The following MATN2 variants were observed in gnomAD, a reference collection of about 807,000 sequenced individuals.
MATN2 encodes matrilin-2.
MATN2 carries 69 observed loss-of-function variants against 103.2 expected under a neutral mutation model. The observed-to-expected ratio is 0.67, with a 90% CI of 0.55 to 0.82. The LOEUF is 0.82. Ranked by LOEUF, MATN2 falls within the 40% of genes least tolerant of loss-of-function variation. MATN2 has a pLI of 0.00. For synonymous variants in MATN2, 429 were observed against 450.2 expected (o/e 0.95, Z 0.60); for missense variants, 1,023 against 1,211.5 (o/e 0.84, Z 2.31).
rs377530523 is a variant in MATN2, at chr8:98,007,524, G to T, written c.1496G>T (p.Cys499Phe). ...AGTGACCATGGTTGTGAATACTCCT[G>T]TGTCAACATGGACAGATCCTTTGCC... ...LLSDHGCEYS[C>F]VNMDRSFACQ... The change falls in exon 10 of 19, where the codon TGT becomes TTT. Residue 499 changes from cysteine (C) to phenylalanine (F), a missense_variant. Coordinates refer to ENST00000254898, the MANE Select transcript of MATN2 (RefSeq NM_002380.5). This position sits in a 1 kb window ranked among gnomAD's most constrained non-coding sequence, Gnocchi z 4.2. 2.5e-5 allele frequency: 41 copies of T among 1,613,540 alleles called. No individual in the cohort carries two copies. Among genetic ancestry groups the T allele is most frequent in the Non-Finnish European group, 2.5e-5 (30 of 1,179,588 alleles).
chr8:97,962,208 C>T (rs79551785), intron 5 of MATN2, among the ~76,000 whole-genome samples: 4,503 of 152,262 alleles, frequency 0.03, 218 homozygotes, highest in African/African-American at 0.1. Flanking sequence ...GTAGGTGTTT[C>T]ATAAACTGAA....
chr8:97,938,234 G>C (rs1179015086), intron 3 of MATN2, among the ~76,000 whole-genome samples: 1 of 152,122 alleles, frequency 6.6e-6, no homozygotes, highest in Admixed American at 6.6e-5. Context: ...TCTGCCCGTG[G>C]GTAATTTGAC....
At chr8:97,928,093 G>C (rs1810051931) in intron 2 of MATN2, among the ~76,000 whole-genome samples, 1 of 152,138 alleles carries the variant, frequency 6.6e-6, no homozygotes, top group Admixed American at 6.5e-5. Flanking sequence ...GGGCCTGCCT[G>C]GGTCTTGGGA....
intron 2 of MATN2, among the ~76,000 whole-genome samples, chr8:97,926,260 A>AT (rs1165235142): frequency 6.6e-6 from 1 of 152,182 alleles, no homozygotes; most frequent in East Asian, 1.9e-4. Flanking sequence ...AAGGAAGATC[A>AT]TTGTATGTTC....
chr8:97,903,645 T>C (rs1224100648), intron 2 of MATN2, among the ~76,000 whole-genome samples: 1 of 152,148 alleles, frequency 6.6e-6, no homozygotes, highest in Non-Finnish European at 1.5e-5. Flanking sequence ...GATGCTGCTG[T>C]GTAGAGAGTC....
intron 10 of MATN2, among the ~76,000 whole-genome samples, chr8:98,014,602 A>G (rs928894979): frequency 6.6e-6 from 1 of 152,216 alleles, no homozygotes; most frequent in Non-Finnish European, 1.5e-5. Flanking sequence ...CTTGCTGTAG[A>G]ATATAGCAAT....
intron 12 of MATN2, 190 bp from the exon 13 acceptor site, chr8:98,021,015 G>T: frequency 2.0e-6 from 1 of 501,264 alleles, no homozygotes; most frequent in Non-Finnish European, 3.6e-6. Context: ...ACTCATGGGA[G>T]CTAGAGCTTT....
chr8:97,974,300 G>A (rs1249666351), intron 5 of MATN2, among the ~76,000 whole-genome samples: 1 of 151,700 alleles, frequency 6.6e-6, no homozygotes, highest in Non-Finnish European at 1.5e-5. Flanking sequence ...CATCATACCT[G>A]GCTAATTTTT....
At chr8:98,004,040 G>A in intron 8 of MATN2, 1 of 377,670 alleles carries the variant, frequency 2.6e-6, no homozygotes, top group South Asian at 2.3e-5. Context: ...TGTAATCCCA[G>A]CACAGGGAGG....
chr8:98,028,481 A>G (rs1813892608), intron 14 of MATN2, among the ~76,000 whole-genome samples: 1 of 152,172 alleles, frequency 6.6e-6, no homozygotes, highest in Non-Finnish European at 1.5e-5. Flanking sequence ...CCCTTGGCTA[A>G]AGGAAACCCA....
intron 4 of MATN2, among the ~76,000 whole-genome samples, chr8:97,952,596 G>C (rs1477560270): frequency 3.8e-5 from 2 of 52,564 alleles, no homozygotes; most frequent in Non-Finnish European, 1.1e-4. Flanking sequence ...GAGTCTCTGG[G>C]GAAACTGGTT....
rs1814104052 is a variant in MATN2 at position 98,033,151 on chromosome 8, G to A, written c.2691G>A (p.Lys897=). The part of the protein sequence containing the change: ...EEDNLLRSTQ[K]LSHSTKPSGS... ...ACAATCTTTTACGGTCTACACAAAA[G>A]CTTTCCCATTCAACAAAACCTTCAG... Residue 897 remains lysine, a synonymous_variant, in exon 17 of 19, where the codon AAG becomes AAA. Transcript: ENST00000254898. The A allele has an allele frequency of 4.4e-6, 7 of 1,607,034 alleles. No individual in the cohort carries two copies. The highest frequency in any genetic ancestry group is 5.9e-6 in the Non-Finnish European group (7 of 1,177,190).
chr8:97,890,357 C>T (rs190518913), intron 2 of MATN2, among the ~76,000 whole-genome samples: 10 of 151,648 alleles, frequency 6.6e-5, no homozygotes, highest in South Asian at 2.1e-4. Context: ...CCCAGCTACT[C>T]GGGAGGCTGA....
chr8:97,883,243 C>T (rs377464124), intron 1 of MATN2, among the ~76,000 whole-genome samples: 204 of 146,724 alleles, frequency 1.4e-3, no homozygotes, highest in African/African-American at 4.7e-3. Flanking sequence ...CAAGATTGCG[C>T]GATTGCACTC....
intron 6 of MATN2, among the ~76,000 whole-genome samples, chr8:97,987,774 A>T (rs1812243945): frequency 6.6e-6 from 1 of 152,184 alleles, no homozygotes; most frequent in African/African-American, 2.4e-5. Flanking sequence ...ATGAACAGGG[A>T]AGTTAACATG....
At chr8:97,903,922 T>C (rs552474929) in intron 2 of MATN2, among the ~76,000 whole-genome samples, 2 of 152,334 alleles carry the variant, frequency 1.3e-5, no homozygotes, top group East Asian at 3.9e-4. Context: ...CTACTTTGGT[T>C]TGATAATGCA....
intron 4 of MATN2, among the ~76,000 whole-genome samples, chr8:97,950,052 T>C (rs902991779): frequency 2.6e-5 from 4 of 152,038 alleles, no homozygotes; most frequent in African/African-American, 9.7e-5. Flanking sequence ...ATCAGGAAAC[T>C]TGGGGGGGTG....
chr8:97,961,313 G>T (rs1811307413), intron 4 of MATN2, 95 bp from the exon 5 acceptor site: 17 of 1,272,674 alleles, frequency 1.3e-5, no homozygotes, highest in African/African-American at 3.0e-5. Flanking sequence ...AGTTACTTTG[G>T]TGAGGGCTCT....
At position 97,888,160 on chromosome 8, in the gene MATN2, TGCCGA is replaced by T. The variant is rs1818508122; in HGVS notation, c.62_66del (p.Ala21GlyfsTer12). 2 of 1,609,202 alleles carry T rather than the reference TGCCGA, an allele frequency of 1.2e-6. No homozygotes were observed. The highest frequency in any genetic ancestry group is 3.4e-5 in the Admixed American group (2 of 59,330). On this transcript the variant is annotated frameshift_variant, in exon 2 of 19. Coordinates refer to ENST00000254898, the MANE Select transcript of MATN2 (RefSeq NM_002380.5). LOFTEE classifies it high-confidence loss of function. Reference sequence around the variant, plus strand: ...TCCTCGGACAGATCGTCCTCCTCCCTGCCGAGGCCAGGGAGCGGTCACGTGGGAGG... The same window carrying T: ...TCCTCGGACAGATCGTCCTCCTCCCTGGCCAGGGAGCGGTCACGTGGGAGG...
Sources: gnomAD v4.1 joint callset for allele counts (sites outside exome capture counted in the v4.1 genomes callset) on GRCh38, gnomAD v4.1.1 for gene constraint, Gnocchi (gnomAD v3.1) non-coding constraint, MANE v1.5 for transcripts, NCBI Gene and HGNC (gene_info 2026-07-23, HGNC 2026-07-21) for gene names.